The following ACO1 variants were observed in gnomAD, a reference collection of about 807,000 sequenced individuals.
ACO1 encodes aconitase 1.
Under a neutral mutation model 105.1 loss-of-function variants are expected in ACO1, and 78 were observed. The ratio of observed to expected loss-of-function variants is 0.74; its 90% CI spans 0.62 to 0.90. ACO1 has a LOEUF of 0.90. Among genes scored for constraint, ACO1 ranks in the 40% least tolerant of loss-of-function variants. The pLI, the probability that ACO1 is intolerant of heterozygous loss-of-function variation, is 0.00. For missense variants in ACO1, 965 were observed against 1,111.1 expected, an observed-to-expected ratio of 0.87 and a Z score of 1.87; for synonymous variants, 364 against 397.4, an observed-to-expected ratio of 0.92 and a Z score of 1.00.
intron 1 of ACO1, among the ~76,000 whole-genome samples, chr9:32,385,837 A>C (rs1051169897): frequency 6.6e-6 from 1 of 152,182 alleles, no homozygotes; most frequent in African/African-American, 2.4e-5. Context: ...TCTGCACCAC[A>C]CTTTGAGGAT....
Position 32,448,877 on chromosome 9 carries a change from T to TACTGTCTTTATTCATC in ACO1, c.2371-17_2371-2dup, listed in dbSNP as rs1261276100. 3 of 1,613,950 alleles carry TACTGTCTTTATTCATC rather than the reference T, an allele frequency of 1.9e-6. No homozygotes were observed. The highest frequency in any genetic ancestry group is 1.6e-4 in the Middle Eastern group (1 of 6,084). ...GAAAAGATTGGAAGTATGTCTAAACTACTGTCTTTATTCATCAGGGAATCA... is the reference window on the plus strand; with the variant it reads ...GAAAAGATTGGAAGTATGTCTAAACTACTGTCTTTATTCATCACTGTCTTTATTCATCAGGGAATCA... On this transcript the variant is annotated intron_variant, in intron 19 of 20. Coordinates refer to ENST00000309951, the MANE Select transcript of ACO1 (RefSeq NM_002197.3).
intron 4 of ACO1, among the ~76,000 whole-genome samples, chr9:32,415,313 T>C (rs112035994): frequency 1.3e-5 from 2 of 152,304 alleles, no homozygotes; most frequent in African/African-American, 4.8e-5. Flanking sequence ...GAGGTGACCA[T>C]ACCAAAGGTA....
At chr9:32,387,687 A>ATTTTAGGC (rs762848635) in intron 1 of ACO1, among the ~76,000 whole-genome samples, 22 of 152,174 alleles carry the variant, frequency 1.4e-4, no homozygotes, top group Non-Finnish European at 2.2e-4. Context: ...GTAGTGAAAT[A>ATTTTAGGC]TTTTAGGCTT....
At chr9:32,418,253 G>A in intron 5 of ACO1, 56 bp downstream of exon 5, 1 of 1,612,620 alleles carries the variant, frequency 6.2e-7, no homozygotes, top group South Asian at 1.1e-5. Context: ...GGGTACGAGG[G>A]AGAGATGCCA....
intron 19 of ACO1, among the ~76,000 whole-genome samples, chr9:32,448,515 G>A (rs1376108284): frequency 6.6e-6 from 1 of 152,220 alleles, no homozygotes; most frequent in Admixed American, 6.5e-5. Flanking sequence ...CTGGTCTGCT[G>A]GTTGTGAAGG....
chr9:32,407,578 T>C, intron 3 of ACO1, 149 bp downstream of exon 3: 1 of 778,866 alleles, frequency 1.3e-6, no homozygotes, highest in South Asian at 3.9e-5. Flanking sequence ...CCAGACACTT[T>C]TGAAAGCTAA....
At chr9:32,385,650 G>A (rs1458892417) in intron 1 of ACO1, among the ~76,000 whole-genome samples, 1 of 152,198 alleles carries the variant, frequency 6.6e-6, no homozygotes, top group Admixed American at 6.5e-5. Context: ...TTGATGTCAA[G>A]CGTAATTGAA....
At chr9:32,393,751 C>T (rs12551359) in intron 1 of ACO1, among the ~76,000 whole-genome samples, 2,004 of 152,220 alleles carry the variant, frequency 0.013, 20 homozygotes, top group Non-Finnish European at 0.022. Context: ...GACCGGCCGA[C>T]ACTTAGGGAA....
intron 19 of ACO1, among the ~76,000 whole-genome samples, chr9:32,444,950 T>TC (rs1195414739): frequency 6.6e-6 from 1 of 152,208 alleles, no homozygotes; most frequent in Non-Finnish European, 1.5e-5. Context: ...CAGCCTTGCA[T>TC]CCCAGGGATG....
At chr9:32,431,627 C>T in intron 14 of ACO1, 92 bp from the exon 15 acceptor site, 2 of 1,402,438 alleles carry the variant, frequency 1.4e-6, no homozygotes, top group Non-Finnish European at 2.0e-6. Context: ...CTTTATAGAA[C>T]ATAACTACCG....
chr9:32,401,634 A>G (rs1821498057), intron 1 of ACO1, among the ~76,000 whole-genome samples: 1 of 152,210 alleles, frequency 6.6e-6, no homozygotes, highest in African/African-American at 2.4e-5. Context: ...TGCTACTCCA[A>G]GGCACCTGCA....
chr9:32,387,000 C>T (rs62571702), intron 1 of ACO1, among the ~76,000 whole-genome samples: 22,963 of 152,056 alleles, frequency 0.15, 2,128 homozygotes, highest in South Asian at 0.29. Flanking sequence ...GTACCCCCTA[C>T]CTAAAGTGTG....
At chr9:32,393,560 A>G (rs1821310453) in intron 1 of ACO1, among the ~76,000 whole-genome samples, 2 of 152,192 alleles carry the variant, frequency 1.3e-5, no homozygotes, top group Non-Finnish European at 2.9e-5. Flanking sequence ...GTGATATCTT[A>G]CTACCTTGTG....
chr9:32,395,482 C>T (rs1821354277), intron 1 of ACO1, among the ~76,000 whole-genome samples: 2 of 137,020 alleles, frequency 1.5e-5, no homozygotes, highest in Admixed American at 1.5e-4. Context: ...TCTCAAAAAA[C>T]AAACCAAAAA....
rs867251917 is a variant in ACO1, at chr9:32,427,318, GC to G, written c.1367del (p.Ala456ValfsTer6). 6.2e-7 allele frequency: 1 copy of G among 1,614,090 alleles called. No individual in the cohort carries two copies. The highest frequency in any genetic ancestry group is 1.3e-5 in the African/African-American group (1 of 74,940). On this transcript the variant is annotated frameshift_variant, in exon 12 of 21. Transcript: ENST00000309951. LOFTEE classifies it high-confidence loss of function. ...TTTCACAGGATTGTTAGCAAAGAAA[GC>G]TGTGGATGCTGGCCTGAACGTGATG... ...MLGAGLLAKKAVDAGLNVMPY... is the reference protein window; with the variant it reads ...MLGAGLLAKKXVDAGLNVMPY...
At chr9:32,427,079 G>A (rs116501576) in intron 11 of ACO1, among the ~76,000 whole-genome samples, 2,143 of 151,822 alleles carry the variant, frequency 0.014, 53 homozygotes, top group African/African-American at 0.049. Context: ...TCATTTCCTT[G>A]CCTAGCTTTG....
intron 2 of ACO1, among the ~76,000 whole-genome samples, chr9:32,405,817 T>G (rs780029847): frequency 6.6e-6 from 1 of 152,236 alleles, no homozygotes; most frequent in Non-Finnish European, 1.5e-5. Flanking sequence ...TATAACACTT[T>G]ATAGAGTATA....
chr9:32,434,484 A>T, intron 16 of ACO1, 75 bp from the exon 17 acceptor site: 1 of 1,563,732 alleles, frequency 6.4e-7, no homozygotes. Context: ...TCCATGGGCC[A>T]CCATCGTAGA....
At chr9:32,421,125 A>T (rs1183641397) in intron 8 of ACO1, 98 bp downstream of exon 8, 1 of 1,324,720 alleles carries the variant, frequency 7.5e-7, no homozygotes, top group Admixed American at 2.1e-5. Flanking sequence ...AACAGAAGGC[A>T]CTGGGTTACA....
Sources: allele counts gnomAD v4.1 joint callset (sites outside exome capture counted in the v4.1 genomes callset), GRCh38; gene constraint gnomAD v4.1.1; transcripts MANE v1.5; gene names NCBI Gene and HGNC (gene_info 2026-07-23, HGNC 2026-07-21).